Variants in IQCH observed in about 807,000 individuals in gnomAD.
IQCH encodes IQ motif containing H, also known as IQ domain-containing protein H.
IQCH carries 98 observed loss-of-function variants against 117.0 expected under a neutral mutation model. The observed-to-expected ratio is 0.84, with a 90% CI of 0.71 to 0.99. The LOEUF (loss-of-function observed/expected upper bound fraction) is 0.99. Among genes scored for constraint, IQCH ranks in the 50% least tolerant of loss-of-function variants. The pLI is 0.00. For missense variants in IQCH, 1,102 were observed against 1,243.8 expected, an observed-to-expected ratio of 0.89 and a Z score of 1.72; for synonymous variants, 412 against 448.2, an observed-to-expected ratio of 0.92 and a Z score of 1.02.
At chr15:67,339,941 G>T (rs1237128020) in intron 5 of IQCH, among the ~76,000 whole-genome samples, 1 of 152,094 alleles carries the variant, frequency 6.6e-6, no homozygotes, top group African/African-American at 2.4e-5. Context: ...GATTTCAACT[G>T]CAGGACCTAT....
chr15:67,436,013 C>T lies in IQCH; in HGVS notation c.2505+14436C>T, dbSNP rs1024831818. Among the ~76,000 whole-genome samples, 8 of 152,012 alleles carry T rather than the reference C, an allele frequency of 5.3e-5. No individual in the cohort carries two copies. Among genetic ancestry groups the T allele is most frequent in the African/African-American group, 1.5e-4 (6 of 41,354 alleles). ...AATTTTACCTGTAATGTAAATGTTG[C>T]GGTGGAAAAGTACATTTGCTTTAGG... On this transcript the variant is annotated intron_variant, in intron 16 of 20. Coordinates refer to ENST00000335894, the MANE Select transcript of IQCH (RefSeq NM_001031715.3). The surrounding 1 kb of genome is among the most constrained non-coding windows in gnomAD (Gnocchi z 5.1).
chr15:67,434,190 A>C (rs568815973), intron 16 of IQCH, among the ~76,000 whole-genome samples: 209 of 152,276 alleles, frequency 1.4e-3, no homozygotes, highest in African/African-American at 5.0e-3. Context: ...GAATTCATTC[A>C]TCTTATAACT....
intron 6 of IQCH, among the ~76,000 whole-genome samples, chr15:67,346,603 C>T (rs1969404241): frequency 6.6e-6 from 1 of 152,170 alleles, no homozygotes; most frequent in Non-Finnish European, 1.5e-5. Flanking sequence ...CTGCCACTTG[C>T]CTCCTGTTGT....
chr15:67,440,940 C>T (rs534358110), intron 16 of IQCH, among the ~76,000 whole-genome samples: 3 of 151,948 alleles, frequency 2.0e-5, no homozygotes, highest in Non-Finnish European at 2.9e-5. Flanking sequence ...TGTTTGCTGA[C>T]GATATAATCA....
At chr15:67,469,136 T>TTC (rs1555508447) in intron 17 of IQCH, among the ~76,000 whole-genome samples, 2 of 151,678 alleles carry the variant, frequency 1.3e-5, no homozygotes, top group Non-Finnish European at 2.9e-5. Flanking sequence ...TCTTTTTTTT[T>TTC]CTCCTGTTTT....
In IQCH at chr15:67,384,405, C is replaced by T. The variant is rs78911243; in HGVS notation, c.1373-531C>T. On this transcript the variant is annotated intron_variant, in intron 10 of 20. Transcript: ENST00000335894. The surrounding 1 kb of genome is among the most constrained non-coding windows in gnomAD (Gnocchi z 4.3). ...AGTAACTGCATTAGCTCTTCTTGCC[C>T]TTTGAAAGTTAAAAGTTCTTGTGAC... Among the ~76,000 whole-genome samples, 720 of 152,132 alleles carry T rather than the reference C, an allele frequency of 4.7e-3. 6 individuals carry two copies. Among genetic ancestry groups the T allele is most frequent in the Non-Finnish European group, 8.9e-3 (606 of 67,980 alleles).
In IQCH at chr15:67,394,089, C is replaced by A. The variant is rs573956838; in HGVS notation, c.1633-1202C>A. On this transcript the variant is annotated intron_variant, in intron 12 of 20. Coordinates refer to ENST00000335894, the MANE Select transcript of IQCH (RefSeq NM_001031715.3). ...TTTCACTCCAAAGCCCCATCACTTT[C>A]CTGTGTGCCATGCTGCCCTCTTCTC... Among the ~76,000 whole-genome samples, 127 of 152,216 alleles carry A rather than the reference C, an allele frequency of 8.3e-4. 2 individuals carry two copies. Among genetic ancestry groups the A allele is most frequent in the Non-Finnish European group, 9.7e-4 (66 of 68,006 alleles).
intron 18 of IQCH, among the ~76,000 whole-genome samples, chr15:67,487,348 AAAAG>A (rs2083513817): frequency 6.6e-6 from 1 of 152,012 alleles, no homozygotes; most frequent in South Asian, 2.1e-4. Flanking sequence ...CAACAACAAA[AAAAG>A]AATGTAGATG....
At chr15:67,310,385 T>C (rs1220545160) in intron 4 of IQCH, among the ~76,000 whole-genome samples, 1 of 152,100 alleles carries the variant, frequency 6.6e-6, no homozygotes, top group Admixed American at 6.6e-5. Flanking sequence ...GTACTAGTCA[T>C]ATTTTGAAAT....
intron 10 of IQCH, among the ~76,000 whole-genome samples, chr15:67,379,272 C>T (rs1970840709): frequency 6.6e-6 from 1 of 152,120 alleles, no homozygotes; most frequent in African/African-American, 2.4e-5. Context: ...GTTTTATAGC[C>T]TTTTCAGATA....
intron 5 of IQCH, among the ~76,000 whole-genome samples, chr15:67,337,995 T>A (rs1968969148): frequency 6.6e-6 from 1 of 152,218 alleles, no homozygotes; most frequent in Non-Finnish European, 1.5e-5. Context: ...TTGTTAAGCT[T>A]CTCACAACTT....
chr15:67,332,875 A>G (rs1441323039), intron 4 of IQCH, among the ~76,000 whole-genome samples: 2 of 152,220 alleles, frequency 1.3e-5, no homozygotes, highest in Non-Finnish European at 2.9e-5. Context: ...GTTTTTGTAA[A>G]TAAAGTTTTT....
chr15:67,481,249 G>C lies in IQCH; in HGVS notation c.2799+5431G>C, dbSNP rs1311876598. Among the ~76,000 whole-genome samples the C allele has an allele frequency of 6.6e-6, 1 of 152,194 alleles. No homozygotes were observed. Among genetic ancestry groups the C allele is most frequent in the Non-Finnish European group, 1.5e-5 (1 of 68,030 alleles). Reference sequence around the variant, plus strand: ...ACCCAAGACTGGGTAATTTATAAAAGAAAGAGGTTTAATTGACTCCCAGTT... The same window carrying C: ...ACCCAAGACTGGGTAATTTATAAAACAAAGAGGTTTAATTGACTCCCAGTT... On this transcript the variant is annotated intron_variant, in intron 18 of 20. Transcript: ENST00000335894. The surrounding 1 kb of genome is among the most constrained non-coding windows in gnomAD (Gnocchi z 4.1).
At chr15:67,255,293 G>C in intron 1 of IQCH, 1 of 335,276 alleles carries the variant, frequency 3.0e-6, no homozygotes, top group South Asian at 4.3e-5. Context: ...GTCGGGAGTG[G>C]AGGAGAGACA....
At chr15:67,345,143 C>T (rs531767773) in intron 6 of IQCH, among the ~76,000 whole-genome samples, 2 of 152,274 alleles carry the variant, frequency 1.3e-5, no homozygotes, top group South Asian at 4.2e-4. Context: ...GCACCCATCA[C>T]CACGCCTGAT....
rs893795200 is a variant in IQCH, at chr15:67,445,120, C to T, written c.2506-20007C>T. Among the ~76,000 whole-genome samples the T allele has an allele frequency of 6.6e-6, 1 of 152,076 alleles. No homozygotes were observed. Among genetic ancestry groups the T allele is most frequent in the Non-Finnish European group, 1.5e-5 (1 of 67,996 alleles). On this transcript the variant is annotated intron_variant, in intron 16 of 20. Coordinates refer to ENST00000335894, the MANE Select transcript of IQCH (RefSeq NM_001031715.3). This position sits in a 1 kb window ranked among gnomAD's most constrained non-coding sequence, Gnocchi z 4.3. ...AAAGGAAATATCAGATAATCCATTGCTTTTTCAGTAAAACAAAAACTTAAA... is the reference window on the plus strand; with the variant it reads ...AAAGGAAATATCAGATAATCCATTGTTTTTTCAGTAAAACAAAAACTTAAA...
chr15:67,266,122 T>C lies in IQCH; in HGVS notation c.269+2906T>C, dbSNP rs537850047. On this transcript the variant is annotated intron_variant, in intron 3 of 20. Transcript: ENST00000335894. The stretch of plus-strand genomic sequence containing the variant: ...AGGATTTGGGCATATATTCATAATA[T>C]GTGTATAATTATTTATAAATTATAT... Among the ~76,000 whole-genome samples the C allele has an allele frequency of 1.1e-4, 16 of 151,012 alleles. No individual in the cohort carries two copies. The East Asian group carries it at 2.9e-3, about 27-fold the overall frequency.
intron 4 of IQCH, among the ~76,000 whole-genome samples, chr15:67,288,272 T>C (rs960590236): frequency 6.6e-6 from 1 of 152,118 alleles, no homozygotes; most frequent in Non-Finnish European, 1.5e-5. Context: ...TGATCTGTAG[T>C]GCAGATCAAG....
chr15:67,291,633 G>GC (rs1966754986), intron 4 of IQCH, among the ~76,000 whole-genome samples: 1 of 152,114 alleles, frequency 6.6e-6, no homozygotes, highest in South Asian at 2.1e-4. Flanking sequence ...ACATTATGTG[G>GC]CATAATATGG....
Sources: allele counts gnomAD v4.1 joint callset (sites outside exome capture counted in the v4.1 genomes callset), GRCh38; gene constraint gnomAD v4.1.1; non-coding constraint Gnocchi (gnomAD v3.1); transcripts MANE v1.5; gene names NCBI Gene and HGNC (gene_info 2026-07-23, HGNC 2026-07-21).